STIM2: variants seen among roughly 807,000 people sequenced by gnomAD.
The protein encoded by STIM2 is stromal interaction molecule 2.
In STIM2, 31 loss-of-function variants were observed where a neutral mutation model predicts 85.8. That is an observed-to-expected ratio of 0.36 (90% CI 0.27 to 0.49). The LOEUF is 0.49. Ranked by LOEUF, STIM2 falls within the 20% of genes least tolerant of loss-of-function variation. STIM2 has a pLI of 0.98. For missense variants in STIM2, 841 were observed against 927.6 expected, an observed-to-expected ratio of 0.91 and a Z score of 1.21; for synonymous variants, 356 against 331.1, an observed-to-expected ratio of 1.08 and a Z score of -0.82.
chr4:26,865,129 C>T (rs1302269476), intron 1 of STIM2, among the ~76,000 whole-genome samples: 1 of 152,154 alleles, frequency 6.6e-6, no homozygotes, highest in Non-Finnish European at 1.5e-5. Flanking sequence ...ACTGTATTCT[C>T]TTTCTCTTTC....
chr4:26,928,686 A>T (rs1257571437), intron 2 of STIM2, among the ~76,000 whole-genome samples: 1 of 152,160 alleles, frequency 6.6e-6, no homozygotes, highest in Non-Finnish European at 1.5e-5. Context: ...TTAAATGCAC[A>T]TGTGCAAAGT....
At chr4:26,981,818 A>G (rs1180380762) in intron 3 of STIM2, among the ~76,000 whole-genome samples, 1 of 152,162 alleles carries the variant, frequency 6.6e-6, no homozygotes, top group Non-Finnish European at 1.5e-5. Context: ...CTATCACAGG[A>G]GTGATTCTTT....
chr4:26,875,844 A>C (rs1244732036), intron 1 of STIM2, among the ~76,000 whole-genome samples: 1 of 152,242 alleles, frequency 6.6e-6, no homozygotes, highest in Non-Finnish European at 1.5e-5. Context: ...ACTAATATTT[A>C]TATTCGCTAA....
At chr4:26,919,361 A>C in intron 1 of STIM2, 143 bp from the exon 2 acceptor site, 1 of 1,018,238 alleles carries the variant, frequency 9.8e-7, no homozygotes, top group Non-Finnish European at 1.4e-6. Flanking sequence ...TGATGTGAAG[A>C]ATATTCTGTT....
chr4:26,948,580 A>G (rs1725931952), intron 2 of STIM2, among the ~76,000 whole-genome samples: 1 of 152,206 alleles, frequency 6.6e-6, no homozygotes, highest in Non-Finnish European at 1.5e-5. Flanking sequence ...TAGGCAACAT[A>G]GTGAGACATT....
intron 1 of STIM2, among the ~76,000 whole-genome samples, chr4:26,890,496 A>G (rs1723426388): frequency 6.6e-6 from 1 of 152,056 alleles, no homozygotes. Flanking sequence ...TTCAGCATTT[A>G]GTCTCTAATA....
intron 2 of STIM2, among the ~76,000 whole-genome samples, chr4:26,956,625 T>C (rs984548840): frequency 1.3e-5 from 2 of 152,120 alleles, no homozygotes; most frequent in Admixed American, 6.6e-5. Flanking sequence ...TTGTAAAGTA[T>C]ACTTTAGCTC....
intron 2 of STIM2, among the ~76,000 whole-genome samples, chr4:26,942,862 C>T (rs1364507570): frequency 6.6e-6 from 1 of 152,092 alleles, no homozygotes; most frequent in African/African-American, 2.4e-5. Context: ...AAGGCTTTTA[C>T]ATACCCTGTA....
At chr4:26,872,891 A>G (rs775263965) in intron 1 of STIM2, among the ~76,000 whole-genome samples, 11 of 152,234 alleles carry the variant, frequency 7.2e-5, no homozygotes, top group Non-Finnish European at 2.9e-5. Context: ...GAAGGACAAT[A>G]AAGAGCCAAG....
intron 1 of STIM2, among the ~76,000 whole-genome samples, chr4:26,882,264 G>T (rs1043967677): frequency 6.6e-6 from 1 of 152,064 alleles, no homozygotes; most frequent in African/African-American, 2.4e-5. Context: ...AAAGGGTTGA[G>T]CTTTCTATTA....
chr4:26,874,158 C>T (rs895038534), intron 1 of STIM2: 11 of 510,232 alleles, frequency 2.2e-5, no homozygotes, highest in African/African-American at 2.1e-4. Context: ...GGGGTCTCCC[C>T]AGAGATTGAG....
chr4:26,960,333 T>C (rs1726398779), intron 3 of STIM2, among the ~76,000 whole-genome samples: 1 of 152,208 alleles, frequency 6.6e-6, no homozygotes, highest in Admixed American at 6.5e-5. Context: ...TGTGTGTATA[T>C]ATGTATTTAT....
chr4:26,862,686 A>G (rs1022513414), intron 1 of STIM2, among the ~76,000 whole-genome samples: 1 of 152,184 alleles, frequency 6.6e-6, no homozygotes, highest in African/African-American at 2.4e-5. Context: ...GATACATCAA[A>G]CCTACCAATT....
At chr4:26,868,530 C>T (rs1188833254) in intron 1 of STIM2, among the ~76,000 whole-genome samples, 1 of 152,192 alleles carries the variant, frequency 6.6e-6, no homozygotes, top group Non-Finnish European at 1.5e-5. Flanking sequence ...TAAGCAGCCT[C>T]ATCAAAACCC....
At chr4:26,977,127 A>G (rs955816341) in intron 3 of STIM2, among the ~76,000 whole-genome samples, 1 of 152,180 alleles carries the variant, frequency 6.6e-6, no homozygotes, top group Non-Finnish European at 1.5e-5. Context: ...GTGGCGCTAG[A>G]GGGTGAGTCA....
In STIM2 at chr4:27,017,822, A is replaced by G. The variant is rs1407185854; in HGVS notation, c.1601A>G (p.His534Arg). 1 of 1,613,510 alleles carries G rather than the reference A, an allele frequency of 6.2e-7. No homozygotes were observed. Among genetic ancestry groups the G allele is most frequent in the Non-Finnish European group, 8.5e-7 (1 of 1,179,882 alleles). Reference sequence around the variant, plus strand: ...CCTCAGCGAGCTCAGCTTGCTCCACACGCCCCCCACCCGTCACACCCTCGG... The same window carrying G: ...CCTCAGCGAGCTCAGCTTGCTCCACGCGCCCCCCACCCGTCACACCCTCGG... Residue 534 changes from histidine to arginine, a missense_variant, in exon 11 of 12, where the codon CAC becomes CGC. Transcript: ENST00000467087.
At chr4:26,875,867 T>C (rs1044306495) in intron 1 of STIM2, among the ~76,000 whole-genome samples, 7 of 152,216 alleles carry the variant, frequency 4.6e-5, no homozygotes, top group African/African-American at 1.4e-4. Context: ...GAAAGTACCA[T>C]AGTAATCATT....
chr4:26,861,485 C>T (rs1006453635), intron 1 of STIM2, 116 bp downstream of exon 1: 3 of 1,226,444 alleles, frequency 2.4e-6, no homozygotes, highest in South Asian at 3.4e-5. Flanking sequence ...GGCCAGGGCG[C>T]GATGCGGAGC....
chr4:26,967,243 A>G (rs150152268), intron 3 of STIM2, among the ~76,000 whole-genome samples: 37 of 152,354 alleles, frequency 2.4e-4, no homozygotes, highest in African/African-American at 7.5e-4. Context: ...CATAAGGGCA[A>G]TGTTCTAAAA....
Sources: gnomAD v4.1 joint callset for allele counts (sites outside exome capture counted in the v4.1 genomes callset) on GRCh38, gnomAD v4.1.1 for gene constraint, MANE v1.5 for transcripts, NCBI Gene and HGNC (gene_info 2026-07-23, HGNC 2026-07-21) for gene names.